GABPA: variants seen among roughly 807,000 people sequenced by gnomAD.
GABPA encodes GA-binding protein alpha chain.
A neutral mutation model predicts 59.4 loss-of-function variants in GABPA; 4 were observed. The ratio of observed to expected loss-of-function variants is 0.07; its 90% CI spans 0.03 to 0.15. GABPA has a LOEUF of 0.15. Among genes scored for constraint, GABPA ranks in the 10% least tolerant of loss-of-function variants. The pLI is 1.00. For synonymous variants in GABPA, 164 were observed against 183.1 expected, an observed-to-expected ratio of 0.90 and a Z score of 0.84; for missense variants, 251 against 543.8, an observed-to-expected ratio of 0.46 and a Z score of 5.36.
At chr21:25,756,194 T>G (rs1337413814) in intron 5 of GABPA, among the ~76,000 whole-genome samples, 1 of 68,690 alleles carries the variant, frequency 1.5e-5, no homozygotes, top group Non-Finnish European at 4.8e-5. Flanking sequence ...TCCCTGAGTT[T>G]TTTTTATTTT....
chr21:25,740,628 A>G (rs977466165), intron 1 of GABPA, among the ~76,000 whole-genome samples: 1 of 152,248 alleles, frequency 6.6e-6, no homozygotes, highest in Non-Finnish European at 1.5e-5. Context: ...GTTTTAAGCA[A>G]TAGATAAAAA....
intron 1 of GABPA, among the ~76,000 whole-genome samples, chr21:25,736,169 CACGCTGT>C (rs2035053349): frequency 6.6e-6 from 1 of 152,186 alleles, no homozygotes; most frequent in Non-Finnish European, 1.5e-5. Flanking sequence ...TACTAGAAGA[CACGCTGT>C]ATGTGCGTGT....
In GABPA at chr21:25,760,608, G is replaced by A. The variant is rs181822295; in HGVS notation, c.749-1704G>A. ...CTACCAGTTCCATGATGTCCTTCTC[G>A]GTGTGAATCTCTGTCTTCTGTCACC... is the stretch of plus-strand genomic sequence containing the variant. On this transcript the variant is annotated intron_variant, in intron 6 of 9. Transcript: ENST00000400075. Among the ~76,000 whole-genome samples the A allele has an allele frequency of 4.6e-5, 7 of 152,128 alleles. No homozygotes were observed. The East Asian group carries it at 9.6e-4, about 21-fold the overall frequency.
At chr21:25,745,613 A>G (rs913799570) in intron 3 of GABPA, among the ~76,000 whole-genome samples, 1 of 152,264 alleles carries the variant, frequency 6.6e-6, no homozygotes, top group African/African-American at 2.4e-5. Context: ...AGAAGTTTAA[A>G]TAAATTAGAA....
At chr21:25,737,959 T>TA (rs1278154565) in intron 1 of GABPA, among the ~76,000 whole-genome samples, 5 of 152,246 alleles carry the variant, frequency 3.3e-5, no homozygotes, top group Non-Finnish European at 7.3e-5. Flanking sequence ...AATACTTTCT[T>TA]AAAATAGACA....
chr21:25,741,897 A>T (rs1247956019), intron 2 of GABPA, among the ~76,000 whole-genome samples: 1 of 152,190 alleles, frequency 6.6e-6, no homozygotes, highest in Non-Finnish European at 1.5e-5. Context: ...ATCAAAAGCA[A>T]TTGCTTTCAA....
rs1018723314 is a variant in GABPA at position 25,770,719 on chromosome 21, A to G, written c.*1487A>G. On this transcript the variant is annotated 3_prime_UTR_variant, in exon 10 of 10. Coordinates refer to ENST00000400075, the MANE Select transcript of GABPA (RefSeq NM_002040.4). ...GGCATGATAATACAGGCAAGATGGCATTGTTAGCAATTCTGGTAGTGGTTT... is the reference window on the plus strand; with the variant it reads ...GGCATGATAATACAGGCAAGATGGCGTTGTTAGCAATTCTGGTAGTGGTTT... 5.3e-5 allele frequency: 8 copies of G among 152,074 alleles called. No homozygotes were observed. Among genetic ancestry groups the G allele is most frequent in the African/African-American group, 9.6e-5 (4 of 41,456 alleles). 9.4% of individuals were successfully genotyped at this position (152,074 alleles called of 1,614,324 possible).
At chr21:25,753,537 T>G (rs1005374481) in intron 5 of GABPA, among the ~76,000 whole-genome samples, 14 of 152,094 alleles carry the variant, frequency 9.2e-5, no homozygotes, top group African/African-American at 3.4e-4. Flanking sequence ...TCACTGAAAT[T>G]GAGGGGAGAG....
At chr21:25,735,921 C>T (rs1198146892) in intron 1 of GABPA, among the ~76,000 whole-genome samples, 1 of 152,188 alleles carries the variant, frequency 6.6e-6, no homozygotes, top group African/African-American at 2.4e-5. Context: ...CAGTCTCAGC[C>T]TGCTCAGCTG....
At position 25,741,690 on chromosome 21, in the gene GABPA, A is replaced by G; in HGVS notation, c.77+15A>G. On this transcript the variant is annotated intron_variant, in intron 2 of 9. Coordinates refer to ENST00000400075, the MANE Select transcript of GABPA (RefSeq NM_002040.4). ...ACAGAAGAAAGGTTGGTGTTTCTGA[A>G]TTTATCATTTTTTTTCAAAATATCA... 11 of 1,572,050 alleles carry G rather than the reference A, an allele frequency of 7.0e-6. No individual in the cohort carries two copies. Among genetic ancestry groups the G allele is most frequent in the Non-Finnish European group, 9.6e-6 (11 of 1,150,748 alleles).
At chr21:25,736,081 GGTTT>G (rs2035048901) in intron 1 of GABPA, among the ~76,000 whole-genome samples, 2 of 151,942 alleles carry the variant, frequency 1.3e-5, no homozygotes, top group African/African-American at 4.8e-5. Flanking sequence ...TAGCCATCTG[GGTTT>G]GTTTTTTTGT....
At chr21:25,768,455 C>T (rs549017655) in intron 9 of GABPA, among the ~76,000 whole-genome samples, 4 of 151,996 alleles carry the variant, frequency 2.6e-5, no homozygotes, top group East Asian at 3.9e-4. Flanking sequence ...TTTATATTAT[C>T]GATTTTTATT....
At chr21:25,759,082 A>G (rs2035706172) in intron 6 of GABPA, among the ~76,000 whole-genome samples, 1 of 149,520 alleles carries the variant, frequency 6.7e-6, no homozygotes, top group Non-Finnish European at 1.5e-5. Flanking sequence ...AAAAAAAGAG[A>G]GAGAGAAGTT....
intron 5 of GABPA, among the ~76,000 whole-genome samples, chr21:25,755,121 T>C (rs2123540137): frequency 6.6e-6 from 1 of 152,048 alleles, no homozygotes; most frequent in South Asian, 2.1e-4. Context: ...TTGATAACTA[T>C]ATGCTGATAA....
chr21:25,756,749 G>A, intron 5 of GABPA, among the ~76,000 whole-genome samples: 1 of 152,128 alleles, frequency 6.6e-6, no homozygotes, highest in East Asian at 1.9e-4. Context: ...GGTCCATGAA[G>A]ATATCTTGTC....
chr21:25,760,875 T>C (rs924341501), intron 6 of GABPA, among the ~76,000 whole-genome samples: 35 of 151,816 alleles, frequency 2.3e-4, no homozygotes, highest in Non-Finnish European at 3.4e-4. Context: ...TTTTTTTTTT[T>C]CCCCCTGTGG....
chr21:25,744,110 GT>G (rs754175992), intron 2 of GABPA, among the ~76,000 whole-genome samples: 19 of 145,752 alleles, frequency 1.3e-4, no homozygotes, highest in Non-Finnish European at 2.2e-4. Context: ...CTTACTTAAA[GT>G]TTTTTTTTAC....
At chr21:25,745,843 A>G (rs1421839984) in intron 3 of GABPA, among the ~76,000 whole-genome samples, 2 of 152,214 alleles carry the variant, frequency 1.3e-5, no homozygotes, top group Non-Finnish European at 2.9e-5. Context: ...TACCCATGGT[A>G]GTAGTATAAT....
chr21:25,762,474 A>T, intron 7 of GABPA, 109 bp downstream of exon 7: 2 of 700,652 alleles, frequency 2.9e-6, no homozygotes, highest in Non-Finnish European at 4.8e-6. Flanking sequence ...TCTACACACA[A>T]AATATCTTTT....
Sources: gnomAD v4.1 joint callset for allele counts (sites outside exome capture counted in the v4.1 genomes callset) on GRCh38, gnomAD v4.1.1 for gene constraint, MANE v1.5 for transcripts, NCBI Gene and HGNC (gene_info 2026-07-23, HGNC 2026-07-21) for gene names.